The following ERG variants were observed in gnomAD, a reference collection of about 807,000 sequenced individuals.
ERG encodes ETS transcription factor ERG, also known as transcriptional regulator ERG.
A neutral mutation model predicts 55.3 loss-of-function variants in ERG; 9 were observed. That is an observed-to-expected ratio of 0.16 (90% CI 0.10 to 0.28). ERG has a LOEUF of 0.28. Ranked by LOEUF, ERG falls within the 10% of genes least tolerant of loss-of-function variation. The probability of loss-of-function intolerance (pLI) is 1.00; values close to 1 mark genes in which losing one functional copy is unlikely to be tolerated. For synonymous variants in ERG, 223 were observed against 237.3 expected, an observed-to-expected ratio of 0.94 and a Z score of 0.55; for missense variants, 434 against 631.6, an observed-to-expected ratio of 0.69 and a Z score of 3.35.
At chr21:38,558,068 G>T (rs1462320465) in intron 2 of ERG, among the ~76,000 whole-genome samples, 1 of 149,712 alleles carries the variant, frequency 6.7e-6, no homozygotes, top group African/African-American at 2.5e-5. Flanking sequence ...TTGGGGGGGG[G>T]TCCTACAGTT....
chr21:38,651,305 T>G (rs114812851), intron 1 of ERG, among the ~76,000 whole-genome samples: 2,052 of 152,342 alleles, frequency 0.013, 49 homozygotes, highest in African/African-American at 0.047. Context: ...CTTCTACTCC[T>G]GTGGCCAAGA....
chr21:38,566,943 G>A (rs555207201), intron 2 of ERG, among the ~76,000 whole-genome samples: 1 of 152,300 alleles, frequency 6.6e-6, no homozygotes, highest in South Asian at 2.1e-4. Flanking sequence ...GGCTAACCAT[G>A]CGCAACTTCC....
At chr21:38,621,677 C>T (rs1222221263) in intron 1 of ERG, among the ~76,000 whole-genome samples, 1 of 152,120 alleles carries the variant, frequency 6.6e-6, no homozygotes, top group African/African-American at 2.4e-5. Flanking sequence ...AAAAATAAAA[C>T]CCATCTCTTC....
At chr21:38,584,006 T>C (rs997571542) in intron 1 of ERG, among the ~76,000 whole-genome samples, 3 of 152,186 alleles carry the variant, frequency 2.0e-5, no homozygotes, top group African/African-American at 7.2e-5. Flanking sequence ...ACTTAACTAA[T>C]GCAGATTAGA....
At chr21:38,448,018 C>T (rs1179854949) in intron 1 of ERG, among the ~76,000 whole-genome samples, 1 of 152,074 alleles carries the variant, frequency 6.6e-6, no homozygotes, top group African/African-American at 2.4e-5. Context: ...TAGTATTTCT[C>T]CAAGATAAAG....
At chr21:38,576,716 A>G (rs1024876660) in intron 1 of ERG, among the ~76,000 whole-genome samples, 2 of 151,894 alleles carry the variant, frequency 1.3e-5, no homozygotes, top group Non-Finnish European at 2.9e-5. Context: ...CCTCCTGGCC[A>G]CCTGTCAGGG....
chr21:38,631,788 T>A (rs1164549884), intron 1 of ERG, among the ~76,000 whole-genome samples: 1 of 151,896 alleles, frequency 6.6e-6, no homozygotes, highest in Admixed American at 6.6e-5. Flanking sequence ...CCTCCTGGCA[T>A]CTCCTCTCTC....
chr21:38,477,437 G>A (rs570608137), intron 1 of ERG, among the ~76,000 whole-genome samples: 1 of 152,182 alleles, frequency 6.6e-6, no homozygotes, highest in East Asian at 1.9e-4. Flanking sequence ...TCTCCGAGAA[G>A]TTATTGGTTT....
intron 2 of ERG, among the ~76,000 whole-genome samples, chr21:38,509,935 C>T (rs1379414201): frequency 6.6e-6 from 1 of 152,140 alleles, no homozygotes; most frequent in Non-Finnish European, 1.5e-5. Context: ...CAGGACGCCC[C>T]AGGGGCTTCC....
At chr21:38,533,250 C>G (rs2059685334) in intron 2 of ERG, among the ~76,000 whole-genome samples, 2 of 152,022 alleles carry the variant, frequency 1.3e-5, no homozygotes, top group East Asian at 1.9e-4. Context: ...GTGTTCTTAC[C>G]ATAGAATTCC....
chr21:38,650,255 A>G (rs780256023), intron 1 of ERG, among the ~76,000 whole-genome samples: 3 of 152,236 alleles, frequency 2.0e-5, no homozygotes, highest in Non-Finnish European at 4.4e-5. Context: ...CTAAAAACAA[A>G]TTTCTTATTC....
rs551311055 is a variant in ERG, at chr21:38,530,352, G to A, written c.-41+45310C>T. Among the ~76,000 whole-genome samples the A allele has an allele frequency of 1.9e-3, 282 of 152,260 alleles. 3 individuals carry two copies. Among genetic ancestry groups the A allele is most frequent in the African/African-American group, 6.3e-3 (263 of 41,546 alleles). On this transcript the variant is annotated intron_variant, in intron 2 of 8. Transcript: ENST00000398897. ...CGGGATTGCAGAAGTGAGCCACTGC[G>A]TCCAGCAAGAATGAGGTTTGAAGGG...
At chr21:38,543,066 C>G (rs998343144) in intron 2 of ERG, among the ~76,000 whole-genome samples, 13 of 152,184 alleles carry the variant, frequency 8.5e-5, no homozygotes, top group African/African-American at 2.9e-4. Context: ...ATTAATCTCA[C>G]TATGCAGCCA....
At chr21:38,483,621 G>A (rs999366102) in intron 1 of ERG, among the ~76,000 whole-genome samples, 1 of 152,130 alleles carries the variant, frequency 6.6e-6, no homozygotes, top group Non-Finnish European at 1.5e-5. Flanking sequence ...GGCTGAGGCA[G>A]GTGGATCACG....
intron 3 of ERG, among the ~76,000 whole-genome samples, chr21:38,421,804 G>GGCT (rs931567456): frequency 5.3e-5 from 8 of 152,074 alleles, no homozygotes; most frequent in Non-Finnish European, 1.2e-4. Context: ...GCCTTTGTGG[G>GGCT]GCTTATGTTC....
rs534271170 is a variant in ERG at position 38,403,660 on chromosome 21, C to T, written c.438G>A (p.Ala146=). The T allele has an allele frequency of 1.9e-5, 31 of 1,614,124 alleles. No individual in the cohort carries two copies. Among genetic ancestry groups the T allele is most frequent in the African/African-American group, 5.3e-5 (4 of 75,010 alleles). Residue 146 remains alanine (A), a synonymous_variant, in exon 4 of 10, where the codon GCG becomes GCA. Transcript: ENST00000288319. Reference sequence around the variant, plus strand: ...CGTCTGGAAGGCCATATTCTTTCACCGCCCACTCCAGCCACTGCCGCACAT... The same window carrying T: ...CGTCTGGAAGGCCATATTCTTTCACTGCCCACTCCAGCCACTGCCGCACAT... The part of the protein sequence containing the change: ...TDHVRQWLEW[A]VKEYGLPDVN...
intron 1 of ERG, among the ~76,000 whole-genome samples, chr21:38,596,087 A>G (rs1227846738): frequency 1.3e-5 from 2 of 151,110 alleles, no homozygotes; most frequent in Admixed American, 1.3e-4. Context: ...TATAATAGCT[A>G]GAACATCTTA....
intron 2 of ERG, among the ~76,000 whole-genome samples, chr21:38,507,929 G>A (rs2059475993): frequency 6.9e-4 from 1 of 1,452 alleles, no homozygotes. Flanking sequence ...AGGAACCAGT[G>A]GCTCCCCCAT....
intron 1 of ERG, among the ~76,000 whole-genome samples, chr21:38,581,826 G>A (rs1041694958): frequency 3.9e-5 from 6 of 152,066 alleles, no homozygotes; most frequent in South Asian, 2.1e-4. Context: ...GGTGGATCAC[G>A]AGGTCAGGAG....
Sources: gnomAD v4.1 joint callset for allele counts (sites outside exome capture counted in the v4.1 genomes callset) on GRCh38, gnomAD v4.1.1 for gene constraint, MANE v1.5 for transcripts, NCBI Gene and HGNC (gene_info 2026-07-23, HGNC 2026-07-21) for gene names.